Variants in LRRC8B observed in about 807,000 individuals in gnomAD.
The protein encoded by LRRC8B is leucine rich repeat containing 8 VRAC subunit B.
A neutral mutation model predicts 58.8 loss-of-function variants in LRRC8B; 23 were observed. That is an observed-to-expected ratio of 0.39 (90% CI 0.28 to 0.55). LRRC8B has a LOEUF of 0.55. Ranked by LOEUF, LRRC8B falls within the 20% of genes least tolerant of loss-of-function variation. The probability of loss-of-function intolerance (pLI) is 0.62; values close to 1 mark genes in which losing one functional copy is unlikely to be tolerated. For missense variants in LRRC8B, 694 were observed against 936.0 expected (o/e 0.74, Z 3.37); for synonymous variants, 359 against 374.1 (o/e 0.96, Z 0.47).
chr1:89,560,144 A>C (rs150910603), intron 1 of LRRC8B, among the ~76,000 whole-genome samples: 1 of 152,336 alleles, frequency 6.6e-6, no homozygotes, highest in African/African-American at 2.4e-5. Flanking sequence ...GTAAGATGTA[A>C]AGTGAGGAGT....
intron 1 of LRRC8B, among the ~76,000 whole-genome samples, chr1:89,542,071 A>C (rs1260700571): frequency 6.6e-6 from 1 of 152,230 alleles, no homozygotes; most frequent in African/African-American, 2.4e-5. Flanking sequence ...AAACTTGAAC[A>C]CAAACCCAAG....
At chr1:89,557,530 T>G (rs1652281995) in intron 1 of LRRC8B, among the ~76,000 whole-genome samples, 1 of 152,178 alleles carries the variant, frequency 6.6e-6, no homozygotes, top group African/African-American at 2.4e-5. Context: ...TATCTGTATT[T>G]TAAAGCTGAG....
At chr1:89,554,688 G>C (rs1258456218) in intron 1 of LRRC8B, among the ~76,000 whole-genome samples, 1 of 152,132 alleles carries the variant, frequency 6.6e-6, no homozygotes, top group Admixed American at 6.6e-5. Context: ...CTTCAACTGA[G>C]AGTCACAAAG....
rs1322619427 is a variant in LRRC8B, at chr1:89,596,309, A to T, written c.*3266A>T. The T allele has an allele frequency of 6.6e-6, 1 of 152,020 alleles. No individual in the cohort carries two copies. The highest frequency in any genetic ancestry group is 1.5e-5 in the Non-Finnish European group (1 of 67,942). 9.4% of individuals were successfully genotyped at this position (152,020 alleles called of 1,614,324 possible). ...CTTTTCATTCTTCACTCCCAGTCTT[A>T]ATTTCTTTCCCCTGTATGTCACTGT... On this transcript the variant is annotated 3_prime_UTR_variant, in exon 6 of 6. Transcript: ENST00000330947.
Position 89,582,772 on chromosome 1 carries a change from T to C in LRRC8B, c.122T>C (p.Leu41Pro), listed in dbSNP as rs1654325301. 6.2e-7 allele frequency: 1 copy of C among 1,614,108 alleles called. No individual in the cohort carries two copies. The highest frequency in any genetic ancestry group is 8.5e-7 in the Non-Finnish European group (1 of 1,180,048). The change falls in exon 5 of 6, where the codon CTG (leucine) becomes CCG (proline). Residue 41 changes from leucine (L) to proline (P), a missense_variant. Around this residue, in one of 5 missense-constraint regions of LRRC8B, gnomAD observed 316 missense variants for 403.8 expected, o/e 0.78. Transcript: ENST00000330947. ...ITLIMLLVAV[L>P]AGALQLTQSR... ...CTGATCATGCTGCTGGTGGCCGTGC[T>C]GGCCGGAGCTCTCCAGCTGACGCAG...
chr1:89,591,740 T>A (rs1397814009), intron 5 of LRRC8B, among the ~76,000 whole-genome samples: 1 of 152,222 alleles, frequency 6.6e-6, no homozygotes. Flanking sequence ...CGGTCTGCAT[T>A]AGCCCGTCAG....
chr1:89,586,677 C>T (rs1654646928), intron 5 of LRRC8B, among the ~76,000 whole-genome samples: 1 of 152,246 alleles, frequency 6.6e-6, no homozygotes, highest in South Asian at 2.1e-4. Context: ...TACTTTGTAG[C>T]ACAGGAAAAG....
Position 89,542,128 on chromosome 1 carries a change from G to C in LRRC8B, c.-241+17106G>C, listed in dbSNP as rs750707197. ...TATGGAACTAGACAGAGACCTCCTG[G>C]CCTTGAACATGTCTTGCTTTCATGA... On this transcript the variant is annotated intron_variant, in intron 1 of 5. Transcript: ENST00000330947. Among the ~76,000 whole-genome samples, 265 of 152,202 alleles carry C rather than the reference G, an allele frequency of 1.7e-3. 1 individual carries two copies. Among genetic ancestry groups the C allele is most frequent in the Non-Finnish European group, 2.3e-3 (158 of 68,000 alleles).
intron 1 of LRRC8B, among the ~76,000 whole-genome samples, chr1:89,532,693 C>T (rs1261408502): frequency 2.0e-5 from 3 of 152,174 alleles, no homozygotes; most frequent in South Asian, 2.1e-4. Flanking sequence ...AACCTCTTTC[C>T]TTTATAAATT....
At chr1:89,551,125 C>T (rs541153255) in intron 1 of LRRC8B, among the ~76,000 whole-genome samples, 96 of 152,134 alleles carry the variant, frequency 6.3e-4, no homozygotes, top group Non-Finnish European at 1.1e-3. Context: ...TCTGCTCTTT[C>T]CCTCCCCACT....
chr1:89,558,268 T>G (rs1652339635), intron 1 of LRRC8B, among the ~76,000 whole-genome samples: 1 of 152,032 alleles, frequency 6.6e-6, no homozygotes, highest in Non-Finnish European at 1.5e-5. Flanking sequence ...GGGTCAAACT[T>G]AGCACTCCTG....
chr1:89,593,470 C>T lies in LRRC8B; in HGVS notation c.*427C>T, dbSNP rs1305800432. The stretch of plus-strand genomic sequence containing the variant: ...AGAATGGGTGACTATTATGATGAAC[C>T]ATAACTAAATGTCTTATTAAAGCAA... On this transcript the variant is annotated 3_prime_UTR_variant, in exon 6 of 6. Coordinates refer to ENST00000330947, the MANE Select transcript of LRRC8B (RefSeq NM_001369817.2). 2 of 156,544 alleles carry T rather than the reference C, an allele frequency of 1.3e-5. No homozygotes were observed. Among genetic ancestry groups the T allele is most frequent in the African/African-American group, 4.8e-5 (2 of 41,356 alleles). 9.7% of individuals were successfully genotyped at this position (156,544 alleles called of 1,614,324 possible).
intron 1 of LRRC8B, among the ~76,000 whole-genome samples, chr1:89,559,639 C>T (rs1652470926): frequency 6.6e-6 from 1 of 150,916 alleles, no homozygotes; most frequent in African/African-American, 2.4e-5. Flanking sequence ...TACACACACA[C>T]ACACACACAC....
chr1:89,532,005 G>C (rs528151717), intron 1 of LRRC8B, among the ~76,000 whole-genome samples: 1 of 152,200 alleles, frequency 6.6e-6, no homozygotes, highest in Admixed American at 6.5e-5. Context: ...GGTATTTGCA[G>C]TTCCTCCCTC....
At chr1:89,550,850 G>A (rs909174505) in intron 1 of LRRC8B, among the ~76,000 whole-genome samples, 27 of 152,046 alleles carry the variant, frequency 1.8e-4, no homozygotes, top group Non-Finnish European at 8.8e-5. Context: ...TTCCTGCCTG[G>A]TTTCCTTACC....
chr1:89,529,784 C>A (rs572219063), intron 1 of LRRC8B, among the ~76,000 whole-genome samples: 1 of 152,200 alleles, frequency 6.6e-6, no homozygotes, highest in Admixed American at 6.5e-5. Context: ...TAAGCCTTAA[C>A]CTTCCTCAGC....
At chr1:89,565,133 G>A (rs929561850) in intron 1 of LRRC8B, among the ~76,000 whole-genome samples, 1 of 152,178 alleles carries the variant, frequency 6.6e-6, no homozygotes, top group Admixed American at 6.5e-5. Flanking sequence ...GCTCTCAGGA[G>A]ACTAGAAAGG....
intron 5 of LRRC8B, among the ~76,000 whole-genome samples, chr1:89,585,067 A>G (rs1320998917): frequency 1.3e-5 from 2 of 152,266 alleles, no homozygotes; most frequent in Admixed American, 1.3e-4. Flanking sequence ...AGTTTTCTAC[A>G]TAAACATCAC....
intron 1 of LRRC8B, among the ~76,000 whole-genome samples, chr1:89,538,204 A>C (rs1479534720): frequency 6.6e-6 from 1 of 152,224 alleles, no homozygotes; most frequent in Non-Finnish European, 1.5e-5. Flanking sequence ...GATAAAGAAC[A>C]TTTCAGGTAT....
Sources: gnomAD v4.1 joint callset for allele counts (sites outside exome capture counted in the v4.1 genomes callset) on GRCh38, gnomAD v4.1.1 for gene constraint, gnomAD v4.1.1 regional missense constraint, MANE v1.5 for transcripts, NCBI Gene and HGNC (gene_info 2026-07-23, HGNC 2026-07-21) for gene names.